METTL24: variants seen among roughly 807,000 people sequenced by gnomAD.
METTL24 encodes methyltransferase like 24.
Under a neutral mutation model 32.7 loss-of-function variants are expected in METTL24, and 29 were observed. That is an observed-to-expected ratio of 0.89 (90% CI 0.66 to 1.21). The LOEUF (loss-of-function observed/expected upper bound fraction) is 1.21. METTL24 is among the 50% of genes most tolerant of loss of function. The pLI, the probability that METTL24 is intolerant of heterozygous loss-of-function variation, is 0.00. For synonymous variants in METTL24, 163 were observed against 179.5 expected (o/e 0.91, Z 0.73); for missense variants, 439 against 468.1 (o/e 0.94, Z 0.57).
intron 1 of METTL24, among the ~76,000 whole-genome samples, chr6:110,346,291 A>T (rs1772471473): frequency 1.3e-5 from 2 of 152,186 alleles, no homozygotes; most frequent in Non-Finnish European, 2.9e-5. Context: ...TATCATAGTC[A>T]CTGGGGATAT....
At chr6:110,334,887 G>A (rs545853449) in intron 1 of METTL24, among the ~76,000 whole-genome samples, 88 of 152,208 alleles carry the variant, frequency 5.8e-4, no homozygotes, top group African/African-American at 1.7e-3. Context: ...TACAGATAAC[G>A]CTCTGGTTCC....
intron 4 of METTL24, among the ~76,000 whole-genome samples, chr6:110,270,933 G>A (rs977202424): frequency 6.6e-6 from 1 of 151,126 alleles, no homozygotes; most frequent in Non-Finnish European, 1.5e-5. Context: ...TACCTCCTGG[G>A]TTCAAGTGAT....
chr6:110,253,888 C>A, intron 4 of METTL24: 1 of 1,453,214 alleles, frequency 6.9e-7, no homozygotes, highest in South Asian at 1.5e-5. Context: ...CAAACAGAGT[C>A]CCTCAGAGCT....
At position 110,246,242 on chromosome 6, in the gene METTL24, C is replaced by A; in HGVS notation, c.805G>T (p.Asp269Tyr). Residue 269 changes from aspartate to tyrosine, a missense_variant, in exon 5 of 5, where the codon GAT (aspartate) becomes TAT (tyrosine). Coordinates refer to ENST00000338882, the MANE Select transcript of METTL24 (RefSeq NM_001123364.3). ...GHHKIDVLKA[D>Y]LESAEWKVLE... Reference sequence around the variant, plus strand: ...ACTTTCCATTCTGCACTTTCCAGATCTGCCTTGAGAACGTCAATCTGTAAC... The same window carrying A: ...ACTTTCCATTCTGCACTTTCCAGATATGCCTTGAGAACGTCAATCTGTAAC... 6.2e-7 allele frequency: 1 copy of A among 1,611,130 alleles called. No homozygotes were observed. The highest frequency in any genetic ancestry group is 1.7e-5 in the Admixed American group (1 of 59,814).
At position 110,246,216 on chromosome 6, in the gene METTL24, A is replaced by G. The variant is rs901816459; in HGVS notation, c.831T>C (p.Val277=). 1 of 1,613,910 alleles carries G rather than the reference A, an allele frequency of 6.2e-7. No individual in the cohort carries two copies. Among genetic ancestry groups the G allele is most frequent in the African/African-American group, 1.3e-5 (1 of 74,926 alleles). The change falls in exon 5 of 5, where the codon GTT becomes GTC. Residue 277 remains valine (V), a synonymous_variant. Coordinates refer to ENST00000338882, the MANE Select transcript of METTL24 (RefSeq NM_001123364.3). ...KADLESAEWK[V]LENLILEDVL... ...CATCTTCCAGAATAAGATTTTCCAA[A>G]ACTTTCCATTCTGCACTTTCCAGAT...
chr6:110,263,085 C>A (rs898239836), intron 4 of METTL24, among the ~76,000 whole-genome samples: 4 of 152,166 alleles, frequency 2.6e-5, no homozygotes, highest in Admixed American at 2.6e-4. Context: ...TCTCTCACCA[C>A]TCCTATTCAA....
At chr6:110,290,442 T>G (rs1371816529) in intron 4 of METTL24, among the ~76,000 whole-genome samples, 2 of 152,204 alleles carry the variant, frequency 1.3e-5, no homozygotes, top group East Asian at 3.9e-4. Context: ...AACAGGTGGT[T>G]TTTTGAATCT....
intron 4 of METTL24, among the ~76,000 whole-genome samples, chr6:110,294,405 A>G (rs1246947498): frequency 1.3e-5 from 2 of 151,846 alleles, no homozygotes; most frequent in African/African-American, 4.8e-5. Flanking sequence ...TTTATATATT[A>G]AAATTTTATA....
At chr6:110,250,013 C>T (rs1372605725) in intron 4 of METTL24, among the ~76,000 whole-genome samples, 1 of 151,938 alleles carries the variant, frequency 6.6e-6, no homozygotes, top group African/African-American at 2.4e-5. Flanking sequence ...TGGATTAAGA[C>T]CTGATGCCAT....
At chr6:110,325,263 A>T (rs1309143055) in intron 1 of METTL24, among the ~76,000 whole-genome samples, 1 of 152,214 alleles carries the variant, frequency 6.6e-6, no homozygotes, top group Non-Finnish European at 1.5e-5. Context: ...CAAAATCAGG[A>T]GTTGGAAAAT....
At chr6:110,299,543 T>C (rs1771483925) in intron 3 of METTL24, among the ~76,000 whole-genome samples, 1 of 152,228 alleles carries the variant, frequency 6.6e-6, no homozygotes, top group African/African-American at 2.4e-5. Flanking sequence ...AGATGTGTTC[T>C]ACTAATGAGG....
At chr6:110,290,586 T>C (rs1405460988) in intron 4 of METTL24, among the ~76,000 whole-genome samples, 1 of 152,226 alleles carries the variant, frequency 6.6e-6, no homozygotes, top group African/African-American at 2.4e-5. Context: ...ATTTAAGAGA[T>C]ATATCATACC....
At chr6:110,290,537 T>C (rs143713594) in intron 4 of METTL24, among the ~76,000 whole-genome samples, 68 of 152,352 alleles carry the variant, frequency 4.5e-4, no homozygotes, top group African/African-American at 1.5e-3. Context: ...TGATCAGTGG[T>C]ATTTCATCCT....
chr6:110,298,360 G>A (rs1173697913), intron 4 of METTL24, among the ~76,000 whole-genome samples: 1 of 152,132 alleles, frequency 6.6e-6, no homozygotes, highest in Admixed American at 6.5e-5. Context: ...TAAAATGTTT[G>A]CAGAGATTTG....
rs529122957 is a variant in METTL24, at chr6:110,325,347, C to T, written c.319-2475G>A. Among the ~76,000 whole-genome samples, 228 of 152,320 alleles carry T rather than the reference C, an allele frequency of 1.5e-3. 2 individuals are homozygous for T. The highest frequency in any genetic ancestry group is 5.3e-3 in the African/African-American group (219 of 41,564). On this transcript the variant is annotated intron_variant, in intron 1 of 4. Coordinates refer to ENST00000338882, the MANE Select transcript of METTL24 (RefSeq NM_001123364.3). The stretch of plus-strand genomic sequence containing the variant: ...CACAGTTTCTGTTGCAACTCTTTGC[C>T]TCCTGTTGTAGCTCAAAAGCAGCCA...
At chr6:110,342,161 TAGG>T (rs1205912472) in intron 1 of METTL24, among the ~76,000 whole-genome samples, 2 of 152,196 alleles carry the variant, frequency 1.3e-5, no homozygotes, top group African/African-American at 4.8e-5. Flanking sequence ...GCTAATGCAC[TAGG>T]AGGTCAGCAA....
chr6:110,324,504 C>T (rs2114756153), intron 1 of METTL24, among the ~76,000 whole-genome samples: 1 of 152,296 alleles, frequency 6.6e-6, no homozygotes, highest in East Asian at 1.9e-4. Context: ...TTTATTACTG[C>T]TCCTTGCAGA....
At chr6:110,249,866 AC>A (rs1314625821) in intron 4 of METTL24, among the ~76,000 whole-genome samples, 1 of 152,032 alleles carries the variant, frequency 6.6e-6, no homozygotes, top group African/African-American at 2.4e-5. Context: ...AGAAGGTGAA[AC>A]AACTTAATTG....
intron 4 of METTL24, among the ~76,000 whole-genome samples, chr6:110,282,374 C>T (rs1288853597): frequency 6.6e-6 from 1 of 152,120 alleles, no homozygotes; most frequent in East Asian, 1.9e-4. Context: ...CCAATAACTA[C>T]TTAATAAATA....
Sources: allele counts gnomAD v4.1 joint callset (sites outside exome capture counted in the v4.1 genomes callset), GRCh38; gene constraint gnomAD v4.1.1; transcripts MANE v1.5; gene names NCBI Gene and HGNC (gene_info 2026-07-23, HGNC 2026-07-21).